Variants in CERT1 observed in about 807,000 individuals in gnomAD.
CERT1 encodes the protein ceramide transfer protein.
Under a neutral mutation model 87.9 loss-of-function variants are expected in CERT1, and 31 were observed. The ratio of observed to expected loss-of-function variants is 0.35; its 90% confidence interval spans 0.27 to 0.48. The LOEUF is 0.48. CERT1 is among the 20% of genes least tolerant of loss of function. The pLI, the probability that CERT1 is intolerant of heterozygous loss-of-function variation, is 0.99. For synonymous variants in CERT1, 289 were observed against 250.9 expected (o/e 1.15, Z -1.44); for missense variants, 487 against 758.0 (o/e 0.64, Z 4.20).
intron 12 of CERT1, 52 bp downstream of exon 12, chr5:75,389,540 T>C (rs1400082680): frequency 7.5e-7 from 1 of 1,338,328 alleles, no homozygotes; most frequent in Non-Finnish European, 1.1e-6. Context: ...AATGATAATA[T>C]GACTGAAACA....
At chr5:75,477,199 C>A (rs1461864446) in intron 2 of CERT1, among the ~76,000 whole-genome samples, 3 of 152,054 alleles carry the variant, frequency 2.0e-5, no homozygotes, top group Non-Finnish European at 4.4e-5. Context: ...CTTCTGAAGT[C>A]TGTATTCTCT....
chr5:75,454,841 TGAAG>T (rs1764911300), intron 3 of CERT1, among the ~76,000 whole-genome samples: 2 of 152,242 alleles, frequency 1.3e-5, no homozygotes, highest in Non-Finnish European at 2.9e-5. Flanking sequence ...TCGCAAGTTT[TGAAG>T]TGTCATCTTC....
At chr5:75,418,391 ACT>A (rs1342332841) in intron 6 of CERT1, among the ~76,000 whole-genome samples, 2 of 152,120 alleles carry the variant, frequency 1.3e-5, no homozygotes, top group African/African-American at 4.8e-5. Context: ...AGGAACTGGG[ACT>A]CTCATATGTG....
At chr5:75,468,409 CCT>C (rs1156976539) in intron 2 of CERT1, among the ~76,000 whole-genome samples, 1 of 152,034 alleles carries the variant, frequency 6.6e-6, no homozygotes, top group East Asian at 1.9e-4. Context: ...TAGGACTTTC[CCT>C]TGGTTCCTAA....
chr5:75,506,427 A>T (rs1767653796), intron 1 of CERT1, among the ~76,000 whole-genome samples: 1 of 152,210 alleles, frequency 6.6e-6, no homozygotes. Context: ...TATTCTTCGT[A>T]TGCTTTCATC....
intron 12 of CERT1, 154 bp from the exon 13 acceptor site, chr5:75,386,188 AAC>A (rs1561224161): frequency 3.8e-6 from 2 of 531,444 alleles, no homozygotes; most frequent in African/African-American, 3.9e-5. Context: ...ATTTCAAATT[AAC>A]AGACAAAAAA....
chr5:75,386,084 A>C, intron 12 of CERT1, 50 bp from the exon 13 acceptor site: 1 of 1,392,888 alleles, frequency 7.2e-7, no homozygotes, highest in Non-Finnish European at 9.4e-7. Context: ...AATCAAGCCC[A>C]TAAAAGCAGG....
At chr5:75,481,317 C>T (rs1766231644) in intron 2 of CERT1, among the ~76,000 whole-genome samples, 1 of 152,046 alleles carries the variant, frequency 6.6e-6, no homozygotes, top group East Asian at 1.9e-4. Flanking sequence ...TAAAAACTGC[C>T]CCAATACACA....
At chr5:75,504,564 G>A (rs547413169) in intron 2 of CERT1, among the ~76,000 whole-genome samples, 11 of 152,214 alleles carry the variant, frequency 7.2e-5, no homozygotes, top group African/African-American at 2.4e-4. Flanking sequence ...AGATATTAAC[G>A]GAAATCTGAA....
At chr5:75,464,529 G>A (rs182842997) in intron 2 of CERT1, among the ~76,000 whole-genome samples, 5 of 152,170 alleles carry the variant, frequency 3.3e-5, no homozygotes, top group Non-Finnish European at 5.9e-5. Context: ...AGAAGGCTAG[G>A]GCCCAAACTT....
chr5:75,411,151 T>C, intron 7 of CERT1, 48 bp from the exon 8 acceptor site: 2 of 1,082,364 alleles, frequency 1.8e-6, no homozygotes, highest in Non-Finnish European at 2.7e-6. Context: ...GGCATTTTAA[T>C]TACAATGAAG....
chr5:75,510,462 G>A (rs1767890429), intron 1 of CERT1, among the ~76,000 whole-genome samples: 3 of 152,004 alleles, frequency 2.0e-5, no homozygotes, highest in Admixed American at 2.0e-4. Context: ...ATTAAGTAAT[G>A]CTCTTCCTGG....
intron 11 of CERT1, 138 bp downstream of exon 11, chr5:75,399,172 C>T: frequency 1.5e-6 from 1 of 647,496 alleles, no homozygotes; most frequent in South Asian, 1.8e-5. Context: ...CAAGGAAGAC[C>T]TTTTTAATGC....
chr5:75,370,345 G>C (rs1761036310), intron 17 of CERT1: 1 of 152,178 alleles, frequency 6.6e-6, no homozygotes, highest in Non-Finnish European at 1.5e-5. Context: ...TAAATTACCT[G>C]AGTGCAACAA....
chr5:75,402,126 T>G (rs1762520761), intron 9 of CERT1: 1 of 152,198 alleles, frequency 6.6e-6, no homozygotes, highest in Admixed American at 6.5e-5. Context: ...CCACAGCAGC[T>G]GGGTGTAACT....
At chr5:75,484,279 G>A (rs771040591) in intron 2 of CERT1, among the ~76,000 whole-genome samples, 2 of 148,080 alleles carry the variant, frequency 1.4e-5, no homozygotes, top group Non-Finnish European at 3.0e-5. Flanking sequence ...TACCACCAGA[G>A]AGAATCACCG....
chr5:75,398,099 G>T (rs775921000), intron 11 of CERT1, among the ~76,000 whole-genome samples: 44 of 152,084 alleles, frequency 2.9e-4, no homozygotes, highest in Non-Finnish European at 1.5e-5. Context: ...ATTTGGTTAT[G>T]GATGATTTCT....
chr5:75,369,191 CAG>C (rs1580675013), intron 17 of CERT1: 2 of 152,326 alleles, frequency 1.3e-5, no homozygotes, highest in East Asian at 3.9e-4. Context: ...GCTGGGATTA[CAG>C]GTGTGAGCCG....
intron 2 of CERT1, among the ~76,000 whole-genome samples, chr5:75,494,053 T>C (rs1392003889): frequency 6.6e-6 from 1 of 152,198 alleles, no homozygotes; most frequent in Admixed American, 6.5e-5. Context: ...CTTCTTTTTG[T>C]TGGACATCTG....
Sources: allele counts gnomAD v4.1 joint callset (sites outside exome capture counted in the v4.1 genomes callset), GRCh38; gene constraint gnomAD v4.1.1; transcripts MANE v1.5; gene names NCBI Gene and HGNC (gene_info 2026-07-23, HGNC 2026-07-21).